CEP112: variants seen among roughly 807,000 people sequenced by gnomAD.
CEP112 encodes centrosomal protein of 112 kDa.
A neutral mutation model predicts 153.0 loss-of-function variants in CEP112; 127 were observed. The ratio of observed to expected loss-of-function variants is 0.83; its 90% confidence interval spans 0.72 to 0.96. CEP112 has a LOEUF of 0.96. Among genes scored for constraint, CEP112 ranks in the 40% least tolerant of loss-of-function variants. CEP112 has a pLI of 0.00. For synonymous variants in CEP112, 358 were observed against 374.4 expected (o/e 0.96, Z 0.51); for missense variants, 1,089 against 1,101.2 (o/e 0.99, Z 0.16).
chr17:65,689,458 T>A (rs974429338), intron 23 of CEP112, among the ~76,000 whole-genome samples: 1 of 152,200 alleles, frequency 6.6e-6, no homozygotes, highest in Admixed American at 6.5e-5. Flanking sequence ...GTCAATCATA[T>A]ATTAAAATGT....
intron 17 of CEP112, among the ~76,000 whole-genome samples, chr17:65,986,474 C>T (rs976505189): frequency 5.9e-5 from 9 of 152,096 alleles, no homozygotes; most frequent in Non-Finnish European, 1.0e-4. Flanking sequence ...CATGGTGGTA[C>T]GTTTTTCTAA....
chr17:65,972,348 T>C (rs777337497), intron 17 of CEP112, among the ~76,000 whole-genome samples: 2 of 152,204 alleles, frequency 1.3e-5, no homozygotes, highest in African/African-American at 2.4e-5. Flanking sequence ...TTTGGATTAA[T>C]GAAACTGAAA....
intron 19 of CEP112, 39 bp from the exon 20 acceptor site, chr17:65,902,373 A>G: frequency 6.4e-7 from 1 of 1,552,808 alleles, no homozygotes; most frequent in East Asian, 2.3e-5. Context: ...TCAACAGAAC[A>G]TCCTTGTCGT....
Position 65,725,815 on chromosome 17 carries a change from G to A in CEP112, c.2607+17253C>T, listed in dbSNP as rs1201446376. ...TTCATTACCACTAGAACAGTATGGG[G>A]GAAACTGTCCCCATGATTCAAATTA... is the stretch of plus-strand genomic sequence containing the variant. On this transcript the variant is annotated intron_variant, in intron 23 of 26. Coordinates refer to ENST00000535342, the MANE Select transcript of CEP112 (RefSeq NM_001199165.4). 2.0e-5 allele frequency among the ~76,000 whole-genome samples: 3 copies of A among 152,028 alleles called. No individual in the cohort carries two copies. In the East Asian group the frequency reaches 5.8e-4, roughly 29 times the overall value.
At chr17:65,741,192 G>A (rs183349511) in intron 23 of CEP112, among the ~76,000 whole-genome samples, 11 of 152,222 alleles carry the variant, frequency 7.2e-5, no homozygotes, top group African/African-American at 2.6e-4. Flanking sequence ...AATGGAACAT[G>A]AGATGAATGA....
chr17:66,046,317 T>C (rs4383185), intron 12 of CEP112, among the ~76,000 whole-genome samples: 149,306 of 152,218 alleles, frequency 0.98, 73,290 homozygotes, highest in East Asian at 1. Flanking sequence ...GCTGGGATTA[T>C]AGGCGTGAGC....
chr17:65,706,980 A>G (rs2048948568), intron 23 of CEP112, among the ~76,000 whole-genome samples: 1 of 152,200 alleles, frequency 6.6e-6, no homozygotes, highest in Non-Finnish European at 1.5e-5. Context: ...ACTTGCTTCT[A>G]TTCCACATGT....
intron 10 of CEP112, among the ~76,000 whole-genome samples, chr17:66,065,231 C>G (rs909150124): frequency 6.6e-6 from 1 of 152,186 alleles, no homozygotes; most frequent in Non-Finnish European, 1.5e-5. Context: ...AGCACAGAAG[C>G]AGAACATCTC....
intron 24 of CEP112, among the ~76,000 whole-genome samples, chr17:65,652,276 G>C (rs1043311920): frequency 6.6e-6 from 1 of 151,914 alleles, no homozygotes; most frequent in African/African-American, 2.4e-5. Context: ...TCTGGAGTTG[G>C]GTCTGAGTTG....
At chr17:65,792,079 G>T (rs1177666152) in intron 21 of CEP112, among the ~76,000 whole-genome samples, 1 of 152,142 alleles carries the variant, frequency 6.6e-6, no homozygotes, top group East Asian at 1.9e-4. Context: ...AACTGCCGCA[G>T]CTTTACCTAA....
intron 19 of CEP112, among the ~76,000 whole-genome samples, chr17:65,923,974 A>ATTAT (rs1406585432): frequency 1.3e-5 from 2 of 151,946 alleles, no homozygotes; most frequent in East Asian, 3.9e-4. Flanking sequence ...GGTATTTAGC[A>ATTAT]TTATTTATTT....
chr17:66,167,078 A>G (rs2072006017), intron 4 of CEP112, among the ~76,000 whole-genome samples: 2 of 152,154 alleles, frequency 1.3e-5, no homozygotes, highest in African/African-American at 2.4e-5. Context: ...ACCATTCTTT[A>G]TTTTGATATT....
rs562833786 is a variant in CEP112 at position 65,913,577 on chromosome 17, C to T, written c.1981-11243G>A. 4.1e-4 allele frequency: 404 copies of T among 985,314 alleles called. 3 individuals carry two copies. The African/African-American group carries it at 6.7e-3, about 16-fold the overall frequency. The allele number at this position is 985,314 out of a possible 1,614,324, so 61.0% of individuals were successfully genotyped here. On this transcript the variant is annotated intron_variant, in intron 19 of 26. Transcript: ENST00000535342. ...CTCCCAGATTAGATGTTTGCTACAT[C>T]CATGAAATCTGTCAATCAACAGTTC... is the stretch of plus-strand genomic sequence containing the variant.
At chr17:65,901,186 A>G (rs916858065) in intron 20 of CEP112, among the ~76,000 whole-genome samples, 1 of 152,196 alleles carries the variant, frequency 6.6e-6, no homozygotes, top group African/African-American at 2.4e-5. Context: ...TTTGAAAATT[A>G]TATTATTTGC....
intron 1 of CEP112, among the ~76,000 whole-genome samples, chr17:66,183,626 G>A (rs2072807792): frequency 6.6e-6 from 1 of 152,098 alleles, no homozygotes; most frequent in African/African-American, 2.4e-5. Flanking sequence ...TTGGTGAAAG[G>A]ATAGACAGAT....
At chr17:65,993,438 C>T (rs994293227) in intron 17 of CEP112, among the ~76,000 whole-genome samples, 6 of 152,058 alleles carry the variant, frequency 3.9e-5, no homozygotes, top group African/African-American at 1.4e-4. Flanking sequence ...ATGATTTATA[C>T]TCCTTTGGGT....
At chr17:66,057,566 G>A (rs1460157949) in intron 11 of CEP112, among the ~76,000 whole-genome samples, 2 of 152,066 alleles carry the variant, frequency 1.3e-5, no homozygotes, top group Non-Finnish European at 1.5e-5. Context: ...GAGAGACATA[G>A]GATGCATATT....
In CEP112 at chr17:66,147,560, G is replaced by A. The variant is rs139584840; in HGVS notation, c.471-14797C>T. Among the ~76,000 whole-genome samples, 74 of 151,494 alleles carry A rather than the reference G, an allele frequency of 4.9e-4. 1 individual carries two copies. In the East Asian group the frequency reaches 0.011, roughly 23 times the overall value. Reference sequence around the variant, plus strand: ...TTTTTTTTATTTGTCTGTATATTTGGCCTCATATCCAAAAAAGAAATCACT... The same window carrying A: ...TTTTTTTTATTTGTCTGTATATTTGACCTCATATCCAAAAAAGAAATCACT... On this transcript the variant is annotated intron_variant, in intron 4 of 26. Coordinates refer to ENST00000535342, the MANE Select transcript of CEP112 (RefSeq NM_001199165.4).
intron 16 of CEP112, among the ~76,000 whole-genome samples, chr17:66,022,664 G>A (rs7213276): frequency 0.52 from 76,048 of 145,012 alleles, 20,457 homozygotes; most frequent in African/African-American, 0.59. Flanking sequence ...AGCCGAGATC[G>A]TGCCACTGCA....
Sources: gnomAD v4.1 joint callset for allele counts (sites outside exome capture counted in the v4.1 genomes callset) on GRCh38, gnomAD v4.1.1 for gene constraint, MANE v1.5 for transcripts, NCBI Gene and HGNC (gene_info 2026-07-23, HGNC 2026-07-21) for gene names.